DSCAM: variants seen among roughly 807,000 people sequenced by gnomAD.
The protein encoded by DSCAM is DS cell adhesion molecule.
Under a neutral mutation model 217.7 loss-of-function variants are expected in DSCAM, and 47 were observed. That is an observed-to-expected ratio of 0.22 (90% CI 0.17 to 0.28). The LOEUF (loss-of-function observed/expected upper bound fraction) is 0.28. DSCAM is among the 10% of genes least tolerant of loss of function. The pLI, the probability that DSCAM is intolerant of heterozygous loss-of-function variation, is 1.00. For missense variants in DSCAM, 2,080 were observed against 2,618.3 expected (o/e 0.79, Z 4.49); for synonymous variants, 1,056 against 1,015.3 (o/e 1.04, Z -0.76).
intron 3 of DSCAM, among the ~76,000 whole-genome samples, chr21:40,554,575 G>A (rs971504174): frequency 1.3e-5 from 2 of 152,114 alleles, no homozygotes; most frequent in African/African-American, 4.8e-5. Flanking sequence ...TAAAGAATAT[G>A]AGTAACAAAT....
In DSCAM at chr21:40,559,275, G is replaced by A. The variant is rs538863307; in HGVS notation, c.508+133535C>T. ...AGATTGAGACCATCCTGGTCAACAC[G>A]GTGAAACCCCGTCTCTACTAAAAAT... On this transcript the variant is annotated intron_variant, in intron 3 of 32. Coordinates refer to ENST00000400454, the MANE Select transcript of DSCAM (RefSeq NM_001389.5). 9.6e-4 allele frequency among the ~76,000 whole-genome samples: 146 copies of A among 152,136 alleles called. 2 individuals are homozygous for A. The highest frequency in any genetic ancestry group is 3.2e-3 in the African/African-American group (134 of 41,508).
chr21:40,697,921 G>T (rs1399779040), intron 2 of DSCAM, among the ~76,000 whole-genome samples: 1 of 152,106 alleles, frequency 6.6e-6, no homozygotes, highest in Non-Finnish European at 1.5e-5. Context: ...ACTTTGAGTA[G>T]TATAGATATT....
At chr21:40,513,107 G>T (rs903537122) in intron 3 of DSCAM, 3 of 152,224 alleles carry the variant, frequency 2.0e-5, no homozygotes, top group Admixed American at 1.3e-4. Context: ...CTCCATGTTG[G>T]TCAGGCTGGT....
intron 31 of DSCAM, among the ~76,000 whole-genome samples, chr21:40,043,555 T>C (rs2039200688): frequency 6.6e-6 from 1 of 152,194 alleles, no homozygotes; most frequent in Non-Finnish European, 1.5e-5. Context: ...GCCTGTCTTC[T>C]CTCTGAAGTG....
chr21:40,464,915 A>G (rs2075832234), intron 3 of DSCAM, among the ~76,000 whole-genome samples: 1 of 151,682 alleles, frequency 6.6e-6, no homozygotes, highest in Non-Finnish European at 1.5e-5. Context: ...TAATTTTTGT[A>G]TTTTTAGTAG....
intron 20 of DSCAM, among the ~76,000 whole-genome samples, chr21:40,114,948 A>G (rs2089949681): frequency 1.3e-5 from 2 of 152,294 alleles, no homozygotes; most frequent in East Asian, 3.9e-4. Context: ...AAATAGGAAC[A>G]CTTTTACACT....
At chr21:40,837,141 G>A (rs2092063624) in intron 1 of DSCAM, among the ~76,000 whole-genome samples, 1 of 152,204 alleles carries the variant, frequency 6.6e-6, no homozygotes, top group Non-Finnish European at 1.5e-5. Flanking sequence ...ATGTAAGGGT[G>A]GAGGGGATGT....
intron 1 of DSCAM, among the ~76,000 whole-genome samples, chr21:40,795,866 T>C (rs2091687241): frequency 6.6e-6 from 1 of 152,226 alleles, no homozygotes; most frequent in Non-Finnish European, 1.5e-5. Context: ...GGCCTCAGTA[T>C]GTTTCATGTA....
chr21:40,083,664 T>C (rs975609278), intron 24 of DSCAM, among the ~76,000 whole-genome samples: 2 of 152,250 alleles, frequency 1.3e-5, no homozygotes, highest in Admixed American at 1.3e-4. Flanking sequence ...TTTTTCTTTC[T>C]TTCTTGCAAC....
chr21:40,317,765 T>C (rs1488288158), intron 8 of DSCAM, among the ~76,000 whole-genome samples: 1 of 152,192 alleles, frequency 6.6e-6, no homozygotes, highest in Admixed American at 6.5e-5. Context: ...ACTCCTGACC[T>C]CATGTGATCC....
chr21:40,641,994 G>A (rs951450623), intron 3 of DSCAM, among the ~76,000 whole-genome samples: 3 of 150,078 alleles, frequency 2.0e-5, no homozygotes, highest in African/African-American at 4.9e-5. Flanking sequence ...GTTCCAGTGA[G>A]CTGAGATTGC....
chr21:40,124,738 C>G (rs2090076416), intron 19 of DSCAM, among the ~76,000 whole-genome samples: 1 of 152,054 alleles, frequency 6.6e-6, no homozygotes, highest in African/African-American at 2.4e-5. Context: ...TTAAAGAGAA[C>G]CAGCCCTGCA....
intron 8 of DSCAM, among the ~76,000 whole-genome samples, chr21:40,327,650 A>T (rs1391067005): frequency 6.6e-6 from 1 of 152,004 alleles, no homozygotes; most frequent in Non-Finnish European, 1.5e-5. Context: ...AAAGCTTCCA[A>T]CTTGTCTCGA....
chr21:40,467,716 G>T (rs993347481), intron 3 of DSCAM, among the ~76,000 whole-genome samples: 1 of 151,872 alleles, frequency 6.6e-6, no homozygotes, highest in Non-Finnish European at 1.5e-5. Context: ...TCTAAGAATT[G>T]ATTAAAAAAT....
chr21:40,357,983 C>T (rs938077065), intron 4 of DSCAM, among the ~76,000 whole-genome samples: 2 of 152,054 alleles, frequency 1.3e-5, no homozygotes, highest in Non-Finnish European at 2.9e-5. Flanking sequence ...GAAAAAATAG[C>T]TGCAAAATCT....
At chr21:40,362,861 T>C (rs2074782845) in intron 4 of DSCAM, among the ~76,000 whole-genome samples, 1 of 152,206 alleles carries the variant, frequency 6.6e-6, no homozygotes, top group Non-Finnish European at 1.5e-5. Context: ...TATCTATATA[T>C]ACACACACAT....
At chr21:40,257,346 T>C (rs58667107) in intron 11 of DSCAM, among the ~76,000 whole-genome samples, 13,214 of 152,162 alleles carry the variant, frequency 0.087, 1,354 homozygotes, top group African/African-American at 0.22. Context: ...TACTGTGTTA[T>C]ATTTGTATTT....
chr21:40,125,777 G>A (rs1011620844), intron 19 of DSCAM, among the ~76,000 whole-genome samples: 1 of 152,226 alleles, frequency 6.6e-6, no homozygotes, highest in African/African-American at 2.4e-5. Flanking sequence ...TGAGGGTAAT[G>A]TCTAAGACAT....
At chr21:40,441,763 GC>G (rs1569125019) in intron 3 of DSCAM, among the ~76,000 whole-genome samples, 1 of 152,068 alleles carries the variant, frequency 6.6e-6, no homozygotes, top group Non-Finnish European at 1.5e-5. Context: ...AGCTCACTGG[GC>G]TTCTGTGCAT....
Sources: gnomAD v4.1 joint callset for allele counts (sites outside exome capture counted in the v4.1 genomes callset) on GRCh38, gnomAD v4.1.1 for gene constraint, MANE v1.5 for transcripts, NCBI Gene and HGNC (gene_info 2026-07-23, HGNC 2026-07-21) for gene names.